The following CNTNAP5 variants were observed in gnomAD, a reference collection of about 807,000 sequenced individuals.
The protein encoded by CNTNAP5 is contactin associated protein family member 5.
CNTNAP5 carries 72 observed loss-of-function variants against 150.2 expected under a neutral mutation model. The ratio of observed to expected loss-of-function variants is 0.48; its 90% CI spans 0.40 to 0.58. The LOEUF (loss-of-function observed/expected upper bound fraction) is 0.58. Among genes scored for constraint, CNTNAP5 ranks in the 20% least tolerant of loss-of-function variants. The pLI is 0.00. For missense variants in CNTNAP5, 1,636 were observed against 1,626.2 expected (o/e 1.01, Z -0.10); for synonymous variants, 672 against 619.8 (o/e 1.08, Z -1.25).
intron 13 of CNTNAP5, among the ~76,000 whole-genome samples, chr2:124,711,476 T>G (rs1008029690): frequency 2.0e-5 from 3 of 152,102 alleles, no homozygotes; most frequent in Non-Finnish European, 4.4e-5. Flanking sequence ...TTCAGGCTCT[T>G]CTTATTTTGT....
rs566992938 is a variant in CNTNAP5, at chr2:124,198,799, G to A, written c.83-22906G>A. ...TTTCCCTTTTACAATTAAACCTTTA[G>A]TCTATCTGGCATGTATTATTTTGTG... is the stretch of plus-strand genomic sequence containing the variant. On this transcript the variant is annotated intron_variant, in intron 1 of 23. Coordinates refer to ENST00000682447, the MANE Select transcript of CNTNAP5 (RefSeq NM_001367498.1). 9.4e-5 allele frequency among the ~76,000 whole-genome samples: 14 copies of A among 148,416 alleles called. No homozygotes were observed. The South Asian group carries it at 1.9e-3, about 20-fold the overall frequency.
At chr2:124,527,085 A>G (rs1694985314) in intron 9 of CNTNAP5, among the ~76,000 whole-genome samples, 200 bp from the exon 10 acceptor site, 1 of 152,150 alleles carries the variant, frequency 6.6e-6, no homozygotes, top group African/African-American at 2.4e-5. Context: ...TATTTTCTCT[A>G]CAGTGATGGA....
At chr2:124,512,293 A>G (rs1349051043) in intron 8 of CNTNAP5, among the ~76,000 whole-genome samples, 1 of 151,986 alleles carries the variant, frequency 6.6e-6, no homozygotes, top group Non-Finnish European at 1.5e-5. Context: ...AGAGGCATCA[A>G]ACTCAGCCTG....
intron 11 of CNTNAP5, among the ~76,000 whole-genome samples, chr2:124,586,333 A>G (rs1011045235): frequency 6.6e-6 from 1 of 152,208 alleles, no homozygotes; most frequent in African/African-American, 2.4e-5. Flanking sequence ...TCCATGTAAT[A>G]TAACAACAAT....
chr2:124,745,673 C>G (rs1182229044), intron 13 of CNTNAP5, among the ~76,000 whole-genome samples: 1 of 152,198 alleles, frequency 6.6e-6, no homozygotes, highest in Admixed American at 6.5e-5. Flanking sequence ...CACTGGTTAA[C>G]AGACATCTCC....
intron 10 of CNTNAP5, among the ~76,000 whole-genome samples, chr2:124,557,426 G>A (rs1695783760): frequency 6.6e-6 from 1 of 152,180 alleles, no homozygotes; most frequent in African/African-American, 2.4e-5. Flanking sequence ...GTAAATGGGT[G>A]AAGGCCAGCA....
At chr2:124,584,879 G>A (rs558697460) in intron 11 of CNTNAP5, among the ~76,000 whole-genome samples, 5 of 152,168 alleles carry the variant, frequency 3.3e-5, no homozygotes, top group Non-Finnish European at 5.9e-5. Flanking sequence ...ATTTAGAGGC[G>A]AAAGCATGGA....
At chr2:124,866,687 C>T (rs1264552175) in intron 20 of CNTNAP5, among the ~76,000 whole-genome samples, 2 of 151,958 alleles carry the variant, frequency 1.3e-5, no homozygotes, top group Non-Finnish European at 2.9e-5. Flanking sequence ...ATATAAAGGG[C>T]CAGCAGCAGA....
intron 13 of CNTNAP5, among the ~76,000 whole-genome samples, chr2:124,656,134 T>C (rs1678453477): frequency 1.3e-5 from 2 of 151,794 alleles, no homozygotes; most frequent in South Asian, 4.2e-4. Flanking sequence ...TTCTATCTTC[T>C]AATGGAACAG....
At chr2:124,423,779 C>T in intron 4 of CNTNAP5, among the ~76,000 whole-genome samples, 1 of 141,148 alleles carries the variant, frequency 7.1e-6, no homozygotes, top group East Asian at 2.2e-4. Context: ...ATTCTCCTGC[C>T]TCAGCCTCCC....
intron 10 of CNTNAP5, among the ~76,000 whole-genome samples, chr2:124,553,949 C>A (rs2104920300): frequency 6.6e-6 from 1 of 152,212 alleles, no homozygotes; most frequent in Non-Finnish European, 1.5e-5. Context: ...AATTGTGAGC[C>A]AAGGCAGGTG....
At chr2:124,450,333 C>G (rs774995780) in intron 6 of CNTNAP5, among the ~76,000 whole-genome samples, 2 of 151,116 alleles carry the variant, frequency 1.3e-5, no homozygotes, top group Non-Finnish European at 2.9e-5. Flanking sequence ...ATTATGCAAA[C>G]CTATGTTTCT....
At chr2:124,211,125 C>T (rs1198692613) in intron 1 of CNTNAP5, among the ~76,000 whole-genome samples, 1 of 152,130 alleles carries the variant, frequency 6.6e-6, no homozygotes, top group Admixed American at 6.5e-5. Flanking sequence ...AACAACACAG[C>T]TCTTGGTACA....
intron 2 of CNTNAP5, among the ~76,000 whole-genome samples, chr2:124,234,822 T>G (rs1686708606): frequency 1.3e-5 from 2 of 152,214 alleles, no homozygotes; most frequent in Admixed American, 1.3e-4. Flanking sequence ...TCTTGAGTAC[T>G]GAGCGTCTTT....
intron 14 of CNTNAP5, among the ~76,000 whole-genome samples, chr2:124,761,660 C>T (rs934270877): frequency 6.6e-6 from 1 of 152,016 alleles, no homozygotes; most frequent in African/African-American, 2.4e-5. Flanking sequence ...GCTGGATTCG[C>T]ATGCTTTTTG....
chr2:124,418,251 C>T (rs187684780), intron 4 of CNTNAP5, among the ~76,000 whole-genome samples: 6 of 152,196 alleles, frequency 3.9e-5, no homozygotes, highest in Middle Eastern at 3.4e-3. Flanking sequence ...GTTTTTCTGC[C>T]GTAAGCAGTG....
intron 3 of CNTNAP5, among the ~76,000 whole-genome samples, chr2:124,278,832 C>T (rs1171219521): frequency 6.6e-6 from 1 of 152,082 alleles, no homozygotes. Context: ...CTCATATTTT[C>T]TTATTTGTGT....
chr2:124,567,463 G>A (rs1157674818), intron 11 of CNTNAP5, among the ~76,000 whole-genome samples: 1 of 152,208 alleles, frequency 6.6e-6, no homozygotes, highest in Non-Finnish European at 1.5e-5. Flanking sequence ...TTTCCCATAT[G>A]AAGAGGAAAC....
chr2:124,326,774 T>C (rs547324208), intron 3 of CNTNAP5, among the ~76,000 whole-genome samples: 38 of 151,668 alleles, frequency 2.5e-4, no homozygotes, highest in Non-Finnish European at 4.4e-4. Flanking sequence ...AATAAATAAA[T>C]ATACAACTAT....
Sources: gnomAD v4.1 joint callset for allele counts (sites outside exome capture counted in the v4.1 genomes callset) on GRCh38, gnomAD v4.1.1 for gene constraint, MANE v1.5 for transcripts, NCBI Gene and HGNC (gene_info 2026-07-23, HGNC 2026-07-21) for gene names.